EIF3H: variants seen among roughly 807,000 people sequenced by gnomAD.
EIF3H encodes eukaryotic translation initiation factor 3 subunit H.
EIF3H carries 26 observed loss-of-function variants against 44.2 expected under a neutral mutation model. That is an observed-to-expected ratio of 0.59 (90% CI 0.43 to 0.82). EIF3H has a LOEUF of 0.82. EIF3H is among the 40% of genes least tolerant of loss of function. EIF3H has a pLI of 0.00. For synonymous variants in EIF3H, 166 were observed against 151.9 expected (o/e 1.09, Z -0.68); for missense variants, 359 against 432.8 (o/e 0.83, Z 1.51).
At chr8:116,715,112 A>G (rs1814640420) in intron 2 of EIF3H, among the ~76,000 whole-genome samples, 1 of 152,084 alleles carries the variant, frequency 6.6e-6, no homozygotes, top group Non-Finnish European at 1.5e-5. Context: ...GTCACACAAA[A>G]ATAACCCTAT....
At chr8:116,735,011 T>C (rs1815009607) in intron 1 of EIF3H, among the ~76,000 whole-genome samples, 1 of 152,258 alleles carries the variant, frequency 6.6e-6, no homozygotes, top group Admixed American at 6.5e-5. Context: ...GTATTCCTAA[T>C]GCCAGGGTCA....
chr8:116,691,298 A>T (rs1814169329), intron 2 of EIF3H, among the ~76,000 whole-genome samples: 2 of 152,174 alleles, frequency 1.3e-5, no homozygotes, highest in Non-Finnish European at 2.9e-5. Flanking sequence ...GTTCAAGACC[A>T]AATGCCACCT....
intron 2 of EIF3H, among the ~76,000 whole-genome samples, chr8:116,693,687 C>T (rs1814217838): frequency 6.8e-6 from 1 of 146,652 alleles, no homozygotes; most frequent in African/African-American, 2.5e-5. Flanking sequence ...ATGTACATTT[C>T]TTTTTTTTTT....
At chr8:116,651,855 G>T (rs924528630) in intron 5 of EIF3H, among the ~76,000 whole-genome samples, 1 of 152,210 alleles carries the variant, frequency 6.6e-6, no homozygotes, top group African/African-American at 2.4e-5. Flanking sequence ...TCTGGAATCT[G>T]TCCTAAGGAC....
chr8:116,660,583 T>A (rs1399249296), intron 2 of EIF3H, among the ~76,000 whole-genome samples: 26 of 152,218 alleles, frequency 1.7e-4, no homozygotes, highest in Admixed American at 1.7e-3. Flanking sequence ...CAACCAAAGT[T>A]ATTTTGCCAC....
intron 5 of EIF3H, among the ~76,000 whole-genome samples, chr8:116,655,256 CAAATAT>C (rs1377241547): frequency 6.6e-6 from 1 of 150,922 alleles, no homozygotes; most frequent in Non-Finnish European, 1.5e-5. Flanking sequence ...CTGCATTTTA[CAAATAT>C]AATAAACATT....
intron 2 of EIF3H, among the ~76,000 whole-genome samples, chr8:116,705,989 G>C (rs926328654): frequency 1.3e-5 from 2 of 149,954 alleles, no homozygotes; most frequent in African/African-American, 4.9e-5. Context: ...AGACACACTT[G>C]TTTACAAAGG....
In EIF3H at chr8:116,755,725, C is replaced by G; in HGVS notation, c.73G>C (p.Gly25Arg). 1 of 1,614,196 alleles carries G rather than the reference C, an allele frequency of 6.2e-7. No individual in the cohort carries two copies. Among genetic ancestry groups the G allele is most frequent in the Non-Finnish European group, 8.5e-7 (1 of 1,180,030 alleles). ...SSSTAGAAGK[G>R]KGKGGSGDSA... The stretch of plus-strand genomic sequence containing the variant: ...TCTCCCGAGCCGCCTTTGCCTTTGC[C>G]TTTCCCTGCTGCGCCGGCGGTGGAG... The change falls in exon 1 of 8, where the codon GGC (glycine) becomes CGC (arginine). Residue 25 changes from glycine (G) to arginine (R), a missense_variant. Coordinates refer to ENST00000521861, the MANE Select transcript of EIF3H (RefSeq NM_003756.3).
chr8:116,763,573 C>T (rs1401602385), intron 1 of EIF3H, among the ~76,000 whole-genome samples: 1 of 152,132 alleles, frequency 6.6e-6, no homozygotes, highest in Admixed American at 6.5e-5. Context: ...ATGATGGAGC[C>T]TATCCTAGGG....
chr8:116,662,475 AAAT>A (rs1813600012), intron 2 of EIF3H, among the ~76,000 whole-genome samples: 1 of 152,184 alleles, frequency 6.6e-6, no homozygotes, highest in African/African-American at 2.4e-5. Flanking sequence ...TAAGGTAAAA[AAAT>A]AATAAGTAAT....
intron 7 of EIF3H, among the ~76,000 whole-genome samples, chr8:116,645,608 A>G (rs59548666): frequency 0.035 from 5,384 of 152,304 alleles, 323 homozygotes; most frequent in African/African-American, 0.12. Flanking sequence ...GGGCTCCATC[A>G]TTGCTTTTTA....
intron 1 of EIF3H, among the ~76,000 whole-genome samples, chr8:116,743,798 A>ATAT (rs1491232249): frequency 0.1 from 8,128 of 78,480 alleles, 436 homozygotes; most frequent in Non-Finnish European, 0.14. Context: ...ATATATATAT[A>ATAT]AACACACACA....
At chr8:116,748,002 T>C (rs1375581944) in intron 1 of EIF3H, among the ~76,000 whole-genome samples, 1 of 151,652 alleles carries the variant, frequency 6.6e-6, no homozygotes, top group African/African-American at 2.4e-5. Context: ...TCCCAGCTAC[T>C]TGGGAGGCTG....
chr8:116,708,714 T>G (rs983671237), intron 2 of EIF3H, among the ~76,000 whole-genome samples: 25 of 152,090 alleles, frequency 1.6e-4, no homozygotes, highest in Admixed American at 1.5e-3. Flanking sequence ...GAGCAGTACT[T>G]TATTCTTAAA....
chr8:116,715,028 T>C (rs1306816989), intron 2 of EIF3H, among the ~76,000 whole-genome samples: 2 of 152,064 alleles, frequency 1.3e-5, no homozygotes, highest in Non-Finnish European at 2.9e-5. Context: ...TTTTCTCCAA[T>C]GTAAAACATG....
At chr8:116,724,983 T>C (rs769826691) in intron 2 of EIF3H, among the ~76,000 whole-genome samples, 1 of 152,182 alleles carries the variant, frequency 6.6e-6, no homozygotes, top group African/African-American at 2.4e-5. Context: ...TGCACACCCA[T>C]GTTCACTGCA....
intron 2 of EIF3H, chr8:116,697,249 C>A (rs1249630865): frequency 4.5e-6 from 2 of 446,254 alleles, no homozygotes; most frequent in Admixed American, 2.5e-5. Context: ...TAGATGAAAT[C>A]AGAAGAAACA....
intron 2 of EIF3H, among the ~76,000 whole-genome samples, chr8:116,725,337 C>T (rs1010491333): frequency 5.3e-5 from 8 of 152,140 alleles, no homozygotes; most frequent in African/African-American, 1.7e-4. Context: ...TGAAATAGTT[C>T]TAGAAACCTA....
chr8:116,716,524 C>CA (rs1814661382), intron 2 of EIF3H, among the ~76,000 whole-genome samples: 1 of 151,974 alleles, frequency 6.6e-6, no homozygotes, highest in Non-Finnish European at 1.5e-5. Flanking sequence ...AAATATCGCA[C>CA]AAAAAATTAT....
Sources: gnomAD v4.1 joint callset for allele counts (sites outside exome capture counted in the v4.1 genomes callset) on GRCh38, gnomAD v4.1.1 for gene constraint, MANE v1.5 for transcripts, NCBI Gene and HGNC (gene_info 2026-07-23, HGNC 2026-07-21) for gene names.